PAH: variants seen among roughly 807,000 people sequenced by gnomAD.
PAH encodes phenylalanine hydroxylase.
A neutral mutation model predicts 62.0 loss-of-function variants in PAH; 64 were observed. The ratio of observed to expected loss-of-function variants is 1.03; its 90% CI spans 0.84 to 1.27. The LOEUF (loss-of-function observed/expected upper bound fraction) is 1.27, where lower values mean the gene tolerates loss of function less well. Among genes scored for constraint, PAH ranks in the 50% most tolerant of loss-of-function variants. The pLI is 0.00. For missense variants in PAH, 579 were observed against 542.8 expected (o/e 1.07, Z -0.66); for synonymous variants, 195 against 196.2 (o/e 0.99, Z 0.05).
rs1181442531 is a variant in PAH, at chr12:102,927,261, A to G, written c.-95-10036T>C. Among the ~76,000 whole-genome samples the G allele has an allele frequency of 3.3e-5, 5 of 151,420 alleles. No homozygotes were observed. In the East Asian group the frequency reaches 9.7e-4, roughly 29 times the overall value. ...ATCAACACTCACCAGGTCAATTCATACACTACATCTTCAAAAAAGTTTTTT... is the reference window on the plus strand; with the variant it reads ...ATCAACACTCACCAGGTCAATTCATGCACTACATCTTCAAAAAAGTTTTTT... On this transcript the variant is annotated intron_variant, in intron 1 of 3. Transcript: ENST00000546844.
upstream of PAH, chr12:102,958,429 A>AGCAGCAGCG: frequency 6.5e-7 from 1 of 1,548,802 alleles, no homozygotes; most frequent in East Asian, 2.5e-5. Flanking sequence ...CAGCAGCAGC[A>AGCAGCAGCG]GGCGCCGCAG....
intron 2 of PAH, among the ~76,000 whole-genome samples, chr12:102,897,139 TTC>T (rs1380667577): frequency 6.6e-6 from 1 of 152,186 alleles, no homozygotes; most frequent in Non-Finnish European, 1.5e-5. Context: ...CCTTTAAAGA[TTC>T]TCTATATATT....
intron 2 of PAH, among the ~76,000 whole-genome samples, chr12:102,904,219 A>G (rs191218843): frequency 6.6e-6 from 1 of 152,302 alleles, no homozygotes; most frequent in East Asian, 1.9e-4. Context: ...CTTCAAGCTC[A>G]CAGGTTGTGC....
chr12:102,916,621 G>T, intron 1 of PAH: 1 of 206,402 alleles, frequency 4.8e-6, no homozygotes, highest in Non-Finnish European at 1.0e-5. Flanking sequence ...ATGAAAGGAG[G>T]ATAGTTACTC....
At chr12:102,850,237 A>G (rs1280710070) in intron 8 of PAH, among the ~76,000 whole-genome samples, 1 of 152,196 alleles carries the variant, frequency 6.6e-6, no homozygotes, top group Non-Finnish European at 1.5e-5. Flanking sequence ...CTAATCCCGA[A>G]ACACTTCCAC....
At chr12:102,881,384 A>C (rs1440041980) in intron 3 of PAH, among the ~76,000 whole-genome samples, 1 of 152,020 alleles carries the variant, frequency 6.6e-6, no homozygotes, top group African/African-American at 2.4e-5. Flanking sequence ...TTATTTAATA[A>C]ATGCATACAT....
At chr12:102,943,750 C>A (rs933146937) in intron 1 of PAH, among the ~76,000 whole-genome samples, 1 of 152,160 alleles carries the variant, frequency 6.6e-6, no homozygotes, top group East Asian at 1.9e-4. Flanking sequence ...GAAATCATGT[C>A]ATTTGCAGCA....
At chr12:102,842,938 C>G (rs1186281187) in intron 11 of PAH, among the ~76,000 whole-genome samples, 3 of 152,058 alleles carry the variant, frequency 2.0e-5, no homozygotes, top group East Asian at 1.9e-4. Context: ...CCAGGTGGAC[C>G]CTCTGCCCAG....
intron 3 of PAH, among the ~76,000 whole-genome samples, chr12:102,884,505 T>G (rs1429778473): frequency 6.6e-6 from 1 of 152,242 alleles, no homozygotes; most frequent in Non-Finnish European, 1.5e-5. Context: ...CCACACAACA[T>G]GGAAGTCTGA....
intron 4 of PAH, among the ~76,000 whole-genome samples, chr12:102,876,369 G>GCT (rs968449232): frequency 2.0e-5 from 3 of 152,204 alleles, no homozygotes; most frequent in Non-Finnish European, 2.9e-5. Context: ...GGCACCATGA[G>GCT]CTCTCAGGAC....
intron 5 of PAH, among the ~76,000 whole-genome samples, chr12:102,858,414 C>G (rs1875546106): frequency 6.6e-6 from 1 of 152,180 alleles, no homozygotes; most frequent in African/African-American, 2.4e-5. Context: ...TTAGACAGAT[C>G]AACAAGAAAG....
intron 5 of PAH, among the ~76,000 whole-genome samples, chr12:102,861,799 G>C (rs1291698135): frequency 6.6e-6 from 1 of 152,100 alleles, no homozygotes; most frequent in African/African-American, 2.4e-5. Context: ...CTTGGACACA[G>C]GAAGGGGAAC....
intron 2 of PAH, among the ~76,000 whole-genome samples, chr12:102,910,411 C>T (rs1332724672): frequency 6.6e-6 from 1 of 150,900 alleles, no homozygotes; most frequent in African/African-American, 2.4e-5. Flanking sequence ...TGCTCTGTCA[C>T]CCAGGCTAGA....
At chr12:102,866,846 A>G (rs940070050) in intron 4 of PAH, among the ~76,000 whole-genome samples, 183 bp from the exon 5 acceptor site, 6 of 152,194 alleles carry the variant, frequency 3.9e-5, no homozygotes, top group African/African-American at 1.4e-4. Context: ...GTGACACCTT[A>G]TTAGTAACTT....
rs879523653 is a variant in PAH at position 102,837,029 on chromosome 12, A to G, written c.*2146T>C. On this transcript the variant is annotated 3_prime_UTR_variant, in exon 13 of 13. Coordinates refer to ENST00000553106, the MANE Select transcript of PAH (RefSeq NM_000277.3). ...CAATGCCACATGCTTAGAATTTTTT[A>G]TGTATTTATTTTGATTGTACTCAGC... 1 of 152,178 alleles carries G rather than the reference A, an allele frequency of 6.6e-6. No homozygotes were observed. The highest frequency in any genetic ancestry group is 2.1e-4 in the South Asian group (1 of 4,832). 9.4% of individuals were successfully genotyped at this position (152,178 alleles called of 1,614,324 possible).
intron 1 of PAH, chr12:102,946,742 C>A (rs1470503145): frequency 6.6e-6 from 1 of 152,144 alleles, no homozygotes; most frequent in Non-Finnish European, 1.5e-5. Flanking sequence ...TGATGGCTTA[C>A]CTGATTTTTG....
intron 1 of PAH, among the ~76,000 whole-genome samples, chr12:102,925,807 C>A (rs1878667649): frequency 6.6e-6 from 1 of 152,028 alleles, no homozygotes; most frequent in Non-Finnish European, 1.5e-5. Flanking sequence ...GCAGGCTATT[C>A]CAGGAATTCT....
At chr12:102,884,399 C>T (rs1357428017) in intron 3 of PAH, among the ~76,000 whole-genome samples, 1 of 152,178 alleles carries the variant, frequency 6.6e-6, no homozygotes, top group African/African-American at 2.4e-5. Flanking sequence ...CAGTGCCGAG[C>T]CTTGACACAT....
At chr12:102,888,428 G>A (rs1317879978) in intron 3 of PAH, among the ~76,000 whole-genome samples, 2 of 151,626 alleles carry the variant, frequency 1.3e-5, no homozygotes, top group East Asian at 1.9e-4. Context: ...AACCTAATGC[G>A]AAAGAATTTG....
Sources: allele counts gnomAD v4.1 joint callset (sites outside exome capture counted in the v4.1 genomes callset), GRCh38; gene constraint gnomAD v4.1.1; transcripts MANE v1.5; gene names NCBI Gene and HGNC (gene_info 2026-07-23, HGNC 2026-07-21).